The following JPH2 variants were observed in gnomAD, a reference collection of about 807,000 sequenced individuals.
The protein encoded by JPH2 is junctophilin-2.
In JPH2, 38 loss-of-function variants were observed where a neutral mutation model predicts 55.9. The ratio of observed to expected loss-of-function variants is 0.68; its 90% confidence interval spans 0.52 to 0.89. The LOEUF (loss-of-function observed/expected upper bound fraction) is 0.89, where lower values mean the gene tolerates loss of function less well. Among genes scored for constraint, JPH2 ranks in the 40% least tolerant of loss-of-function variants. The pLI is 0.00. For missense variants in JPH2, 964 were observed against 1,037.6 expected (o/e 0.93, Z 0.97); for synonymous variants, 480 against 472.4 (o/e 1.02, Z -0.21).
At chr20:44,184,700 C>T (rs1313923689) in intron 1 of JPH2, among the ~76,000 whole-genome samples, 2 of 152,156 alleles carry the variant, frequency 1.3e-5, no homozygotes, top group Non-Finnish European at 2.9e-5. Flanking sequence ...ACAGAAAACT[C>T]CTCTCTGATT....
At chr20:44,130,636 G>C (rs2072311008) in intron 2 of JPH2, among the ~76,000 whole-genome samples, 1 of 152,234 alleles carries the variant, frequency 6.6e-6, no homozygotes, top group Non-Finnish European at 1.5e-5. Context: ...TGCATGAGCT[G>C]ACAGAGCACT....
chr20:44,115,932 A>C lies in JPH2; in HGVS notation c.1743T>G (p.Phe581Leu). 1 of 1,570,500 alleles carries C rather than the reference A, an allele frequency of 6.4e-7. No homozygotes were observed. The highest frequency in any genetic ancestry group is 1.3e-5 in the African/African-American group (1 of 74,400). The change falls in exon 4 of 6, where the codon TTT (phenylalanine) becomes TTG (leucine). Residue 581 changes from phenylalanine (F) to leucine (L), a missense_variant. Transcript: ENST00000372980. ...VRTTPPEPPP[F>L]EDQPEPEVSG... ...AGACCTCGGGCTCGGGCTGGTCCTC[A>C]AAGGGTGGGGGCTCGGGCGGCGTGG...
intron 2 of JPH2, among the ~76,000 whole-genome samples, chr20:44,119,192 A>G (rs1402520312): frequency 6.6e-6 from 1 of 152,270 alleles, no homozygotes; most frequent in African/African-American, 2.4e-5. Context: ...TTATAATCAC[A>G]TTAAACAAAA....
At chr20:44,178,233 C>G (rs1458029586) in intron 1 of JPH2, among the ~76,000 whole-genome samples, 1 of 152,044 alleles carries the variant, frequency 6.6e-6, no homozygotes, top group East Asian at 1.9e-4. Context: ...TCCACTAGAA[C>G]TAAGAAATTA....
At position 44,107,137 on chromosome 20, in the gene JPH2, A is replaced by C. The variant is rs556183532; in HGVS notation, c.*6381T>G. 6.6e-6 allele frequency among the ~76,000 whole-genome samples: 1 copy of C among 152,308 alleles called. No homozygotes were observed. The highest frequency in any genetic ancestry group is 1.5e-5 in the Non-Finnish European group (1 of 68,020). ...AATCCAATCAGTGATGGCATCTTCC[A>C]CATACAGCAAAGAAGTGATATAGCC... On this transcript the variant is annotated 3_prime_UTR_variant, in exon 6 of 6. Transcript: ENST00000372980.
chr20:44,173,867 C>T (rs1035841372), intron 1 of JPH2, among the ~76,000 whole-genome samples: 6 of 152,004 alleles, frequency 3.9e-5, no homozygotes, highest in Non-Finnish European at 7.4e-5. Flanking sequence ...TAGCCGAGAT[C>T]GTACCACTGC....
At position 44,111,221 on chromosome 20, in the gene JPH2, C is replaced by A. The variant is rs2072141158; in HGVS notation, c.*2297G>T. ...CCTTTGGGGTCCCTGGGATCCTCTACCAAAACGCAAGAGGGCTTGTAGCAG... is the reference window on the plus strand; with the variant it reads ...CCTTTGGGGTCCCTGGGATCCTCTAACAAAACGCAAGAGGGCTTGTAGCAG... On this transcript the variant is annotated 3_prime_UTR_variant, in exon 6 of 6. Transcript: ENST00000372980. 6.6e-6 allele frequency among the ~76,000 whole-genome samples: 1 copy of A among 152,176 alleles called. No individual in the cohort carries two copies. The highest frequency in any genetic ancestry group is 2.1e-4 in the South Asian group (1 of 4,830).
At chr20:44,162,090 T>C (rs2072614563) in intron 1 of JPH2, among the ~76,000 whole-genome samples, 1 of 152,204 alleles carries the variant, frequency 6.6e-6, no homozygotes, top group African/African-American at 2.4e-5. Flanking sequence ...GAACGGTACC[T>C]GATACATAAC....
chr20:44,121,305 G>C (rs1208506756), intron 2 of JPH2, among the ~76,000 whole-genome samples: 1 of 152,210 alleles, frequency 6.6e-6, no homozygotes, highest in Non-Finnish European at 1.5e-5. Flanking sequence ...AGCCAAGTCA[G>C]AGTGTCCACT....
chr20:44,130,161 T>C (rs778295811), intron 2 of JPH2, among the ~76,000 whole-genome samples: 2 of 152,220 alleles, frequency 1.3e-5, no homozygotes, highest in Non-Finnish European at 2.9e-5. Context: ...CAGAAAATCA[T>C]TTGCCCATGG....
intron 2 of JPH2, among the ~76,000 whole-genome samples, chr20:44,136,923 C>A (rs2072417255): frequency 6.6e-6 from 1 of 152,236 alleles, no homozygotes; most frequent in African/African-American, 2.4e-5. Context: ...CTAATAGACC[C>A]TTTCCTGCCA....
At chr20:44,177,497 T>TA in intron 1 of JPH2, 7 of 1,024,284 alleles carry the variant, frequency 6.8e-6, no homozygotes, top group Non-Finnish European at 8.2e-6. Flanking sequence ...GAAAGACTAA[T>TA]ACGGTCCGCT....
intron 2 of JPH2, among the ~76,000 whole-genome samples, chr20:44,152,491 T>C (rs1290651898): frequency 6.6e-6 from 1 of 152,016 alleles, no homozygotes; most frequent in Non-Finnish European, 1.5e-5. Flanking sequence ...ACCTGGGCAA[T>C]ATAGCAAGAC....
intron 2 of JPH2, among the ~76,000 whole-genome samples, chr20:44,126,434 C>T (rs566687094): frequency 1.3e-5 from 2 of 152,202 alleles, no homozygotes; most frequent in South Asian, 4.2e-4. Context: ...AAATGCTGCC[C>T]AGCGTCTTCC....
intron 1 of JPH2, among the ~76,000 whole-genome samples, chr20:44,179,065 A>G (rs1218775853): frequency 6.6e-6 from 1 of 152,200 alleles, no homozygotes; most frequent in Non-Finnish European, 1.5e-5. Context: ...TTTTGACCCA[A>G]TCGTCATAAT....
At chr20:44,180,879 T>G (rs1222584577) in intron 1 of JPH2, among the ~76,000 whole-genome samples, 1 of 149,852 alleles carries the variant, frequency 6.7e-6, no homozygotes, top group African/African-American at 2.5e-5. Context: ...TAACAAGCAC[T>G]AAGGACTCTA....
In JPH2 at chr20:44,110,930, T is replaced by A. The variant is rs2072137776; in HGVS notation, c.*2588A>T. ...GGGAGCCAGGCTCCTGAGGACAGGG[T>A]GTGCCTGAACTCGAGCCTACTGTTG... On this transcript the variant is annotated 3_prime_UTR_variant, in exon 6 of 6. Transcript: ENST00000372980. 1.3e-5 allele frequency among the ~76,000 whole-genome samples: 2 copies of A among 152,146 alleles called. No homozygotes were observed. Among genetic ancestry groups the A allele is most frequent in the South Asian group, 4.1e-4 (2 of 4,830 alleles).
chr20:44,178,291 A>AT (rs1227059494), intron 1 of JPH2, among the ~76,000 whole-genome samples: 1 of 152,262 alleles, frequency 6.6e-6, no homozygotes, highest in Non-Finnish European at 1.5e-5. Flanking sequence ...AAATAGTTGT[A>AT]TTTCTATAAA....
chr20:44,140,514 C>A (rs922564185), intron 2 of JPH2, among the ~76,000 whole-genome samples: 1 of 152,272 alleles, frequency 6.6e-6, no homozygotes, highest in Non-Finnish European at 1.5e-5. Flanking sequence ...CAGGGCCACA[C>A]GAAGCCAGGG....
Sources: allele counts gnomAD v4.1 joint callset (sites outside exome capture counted in the v4.1 genomes callset), GRCh38; gene constraint gnomAD v4.1.1; transcripts MANE v1.5; gene names NCBI Gene and HGNC (gene_info 2026-07-23, HGNC 2026-07-21).